Variants in PEPD observed in about 807,000 individuals in gnomAD.
PEPD encodes the protein xaa-Pro dipeptidase.
Under a neutral mutation model 60.7 loss-of-function variants are expected in PEPD, and 53 were observed. The observed-to-expected ratio is 0.87, with a 90% confidence interval of 0.70 to 1.10. PEPD has a LOEUF of 1.10. PEPD is among the 50% of genes least tolerant of loss of function. The probability of loss-of-function intolerance (pLI) is 0.00; values close to 1 mark genes in which losing one functional copy is unlikely to be tolerated. For synonymous variants in PEPD, 267 were observed against 284.1 expected, an observed-to-expected ratio of 0.94 and a Z score of 0.60; for missense variants, 711 against 711.9, an observed-to-expected ratio of 1.00 and a Z score of 0.01.
chr19:33,499,533 C>T (rs33824), intron 4 of PEPD, among the ~76,000 whole-genome samples: 99,478 of 151,910 alleles, frequency 0.65, 33,006 homozygotes, highest in African/African-American at 0.76. Flanking sequence ...GCAAGAGGAA[C>T]GTCTGGGGAA....
At chr19:33,441,711 G>T (rs1247023494) in intron 9 of PEPD, among the ~76,000 whole-genome samples, 1 of 152,216 alleles carries the variant, frequency 6.6e-6, no homozygotes, top group South Asian at 2.1e-4. Context: ...TTGACCCAGA[G>T]GTGGCTGGGG....
chr19:33,466,954 A>C (rs914680614), intron 7 of PEPD, among the ~76,000 whole-genome samples: 2 of 151,800 alleles, frequency 1.3e-5, no homozygotes, highest in Non-Finnish European at 1.5e-5. Flanking sequence ...TCAGGAGATC[A>C]AGACTATCCT....
At chr19:33,462,479 C>A (rs1387770669) in intron 9 of PEPD, among the ~76,000 whole-genome samples, 1 of 152,186 alleles carries the variant, frequency 6.6e-6, no homozygotes, top group African/African-American at 2.4e-5. Context: ...GCTGGCCAGG[C>A]CACACCCGCC....
chr19:33,484,704 C>T (rs1313240951), intron 6 of PEPD, among the ~76,000 whole-genome samples: 1 of 152,020 alleles, frequency 6.6e-6, no homozygotes, highest in Non-Finnish European at 1.5e-5. Flanking sequence ...AGATCCACAC[C>T]CTGATATACA....
At position 33,388,216 on chromosome 19, in the gene PEPD, C is replaced by T. The variant is rs146657399; in HGVS notation, c.1153-135G>A. 30 of 777,546 alleles carry T rather than the reference C, an allele frequency of 3.9e-5. 1 individual carries two copies. The highest frequency in any genetic ancestry group is 1.3e-4 in the East Asian group (5 of 37,542). The allele number at this position is 777,546 out of a possible 1,614,324, so 48.2% of individuals were successfully genotyped here. On this transcript the variant is annotated intron_variant, in intron 13 of 14. Coordinates refer to ENST00000244137, the MANE Select transcript of PEPD (RefSeq NM_000285.4). ...ACCATTGGGGTCCTCAGCCTAGACT[C>T]GCCCCTGCTGTGCTGGGCCATGGGC...
At chr19:33,480,751 C>T (rs1224552496) in intron 6 of PEPD, among the ~76,000 whole-genome samples, 1 of 152,066 alleles carries the variant, frequency 6.6e-6, no homozygotes, top group African/African-American at 2.4e-5. Flanking sequence ...GCCAAGATCG[C>T]ACCACTGCAC....
chr19:33,448,143 G>T (rs1172379004), intron 9 of PEPD, among the ~76,000 whole-genome samples: 3 of 152,220 alleles, frequency 2.0e-5, no homozygotes, highest in African/African-American at 7.2e-5. Context: ...TACTCCCGCA[G>T]GGAGCGTCTT....
Position 33,387,995 on chromosome 19 carries a change from C to T in PEPD, c.1239G>A (p.Pro413=), listed in dbSNP as rs373060916. The change falls in exon 14 of 15, where the codon CCG becomes CCA. Residue 413 remains proline (P), a synonymous_variant. Coordinates refer to ENST00000244137, the MANE Select transcript of PEPD (RefSeq NM_000285.4). ...GGAGGTGGTCGATGAAGTAGATGCC[C>T]GGCTCCACGGTGAGCACCATGCCTG... is the stretch of plus-strand genomic sequence containing the variant. ...LQPGMVLTVE[P]GIYFIDHLLD... is the part of the protein sequence containing the mutation. 6.1e-5 allele frequency: 97 copies of T among 1,582,006 alleles called. 1 individual carries two copies. Among genetic ancestry groups the T allele is most frequent in the African/African-American group, 1.6e-4 (12 of 74,458 alleles).
intron 9 of PEPD, among the ~76,000 whole-genome samples, chr19:33,427,772 A>G (rs1322190611): frequency 6.6e-6 from 1 of 152,356 alleles, no homozygotes; most frequent in East Asian, 1.9e-4. Flanking sequence ...GAAGCCAATA[A>G]TTAGAAGAAT....
At position 33,391,274 on chromosome 19, in the gene PEPD, G is replaced by A. The variant is rs185605276; in HGVS notation, c.1152+21C>T. On this transcript the variant is annotated intron_variant, in intron 13 of 14. Transcript: ENST00000244137. ...CGGCAGCTGATGGGCAGGCCACTCC[G>A]CCTGCCATGTCCACACTGACCTCTG... 2,064 of 1,589,588 alleles carry A rather than the reference G, an allele frequency of 1.3e-3. 25 individuals carry two copies. The African/African-American group carries it at 0.023, about 18-fold the overall frequency.
At chr19:33,471,899 T>G (rs1970127114) in intron 7 of PEPD, among the ~76,000 whole-genome samples, 1 of 151,974 alleles carries the variant, frequency 6.6e-6, no homozygotes, top group African/African-American at 2.4e-5. Flanking sequence ...CAGTGGCTCA[T>G]GCCTGTAATC....
intron 9 of PEPD, among the ~76,000 whole-genome samples, chr19:33,430,244 TGGCACTG>T (rs1969240204): frequency 6.6e-6 from 1 of 152,326 alleles, no homozygotes; most frequent in South Asian, 2.1e-4. Context: ...CTTTTCTAGA[TGGCACTG>T]GGCTTTGGGC....
intron 2 of PEPD, among the ~76,000 whole-genome samples, chr19:33,512,231 A>C (rs1461372067): frequency 6.6e-6 from 1 of 152,170 alleles, no homozygotes; most frequent in African/African-American, 2.4e-5. Flanking sequence ...TCTGAGCCTC[A>C]GTTTTCTCAT....
At chr19:33,401,930 C>CCCTTAT in intron 11 of PEPD, 61 bp from the exon 12 acceptor site, 1 of 1,525,300 alleles carries the variant, frequency 6.6e-7, no homozygotes, top group Non-Finnish European at 9.0e-7. Context: ...CTTACCCTTA[C>CCCTTAT]CGCTCCCCAC....
chr19:33,388,237 T>C (rs776259542), intron 13 of PEPD, 156 bp from the exon 14 acceptor site: 1 of 718,252 alleles, frequency 1.4e-6, no homozygotes, highest in Non-Finnish European at 2.5e-6. Flanking sequence ...TGCTGGGCCA[T>C]GGGCACCCTG....
chr19:33,520,723 C>A (rs1006243576), intron 1 of PEPD, among the ~76,000 whole-genome samples: 4 of 152,178 alleles, frequency 2.6e-5, no homozygotes, highest in Non-Finnish European at 5.9e-5. Context: ...CCACTAGATC[C>A]CCCATTCTGA....
chr19:33,460,244 A>C (rs975669660), intron 9 of PEPD, among the ~76,000 whole-genome samples: 1 of 152,208 alleles, frequency 6.6e-6, no homozygotes, highest in Non-Finnish European at 1.5e-5. Context: ...ACAGTGGGTC[A>C]GACACCGCGC....
Position 33,480,840 on chromosome 19 carries a change from GTA to G in PEPD, c.504-2752_504-2751del, listed in dbSNP as rs60635743. On this transcript the variant is annotated intron_variant, in intron 6 of 14. Transcript: ENST00000244137. ...TGTGTGTGTGTGTGTGTGTGTGTGT[GTA>G]TATCAAAAACCTAACACGTAGCTCT... 2.2e-3 allele frequency among the ~76,000 whole-genome samples: 330 copies of G among 150,974 alleles called. 1 individual carries two copies. The highest frequency in any genetic ancestry group is 3.4e-3 in the Middle Eastern group (1 of 294).
chr19:33,387,168 A>C lies in PEPD; in HGVS notation c.*176T>G. ...AAAGGTGGGAGCCTGCAAAAGGGTAATTAAAAAAGTGTTTCCTCCCCGGGA... is the reference window on the plus strand; with the variant it reads ...AAAGGTGGGAGCCTGCAAAAGGGTACTTAAAAAAGTGTTTCCTCCCCGGGA... On this transcript the variant is annotated 3_prime_UTR_variant, in exon 15 of 15. Transcript: ENST00000244137. The C allele has an allele frequency of 1.5e-6, 1 of 681,412 alleles. No homozygotes were observed. Among genetic ancestry groups the C allele is most frequent in the Non-Finnish European group, 2.5e-6 (1 of 402,058 alleles). 42.2% of individuals were successfully genotyped at this position (681,412 alleles called of 1,614,324 possible).
Sources: gnomAD v4.1 joint callset for allele counts (sites outside exome capture counted in the v4.1 genomes callset) on GRCh38, gnomAD v4.1.1 for gene constraint, MANE v1.5 for transcripts, NCBI Gene and HGNC (gene_info 2026-07-23, HGNC 2026-07-21) for gene names.